Variants in ASCC3 observed in about 807,000 individuals in gnomAD.
ASCC3 encodes ASC-1 complex subunit P200.
ASCC3 carries 158 observed loss-of-function variants against 256.3 expected under a neutral mutation model. That is an observed-to-expected ratio of 0.62 (90% CI 0.54 to 0.70). The LOEUF (loss-of-function observed/expected upper bound fraction) is 0.70. Ranked by LOEUF, ASCC3 falls within the 30% of genes least tolerant of loss-of-function variation. The pLI, the probability that ASCC3 is intolerant of heterozygous loss-of-function variation, is 0.00. For synonymous variants in ASCC3, 948 were observed against 883.4 expected (o/e 1.07, Z -1.30); for missense variants, 2,259 against 2,626.0 (o/e 0.86, Z 3.05).
intron 4 of ASCC3, among the ~76,000 whole-genome samples, chr6:100,836,710 C>T (rs1286043054): frequency 1.3e-5 from 2 of 151,950 alleles, no homozygotes; most frequent in Admixed American, 6.6e-5. Flanking sequence ...TTTCTTTTCT[C>T]GTTGTGTCCT....
chr6:100,559,834 A>G (rs564483957), intron 36 of ASCC3, among the ~76,000 whole-genome samples: 1 of 146,936 alleles, frequency 6.8e-6, no homozygotes, highest in South Asian at 2.3e-4. Flanking sequence ...TGGGTCACAG[A>G]GCTAGACTCC....
chr6:100,843,973 A>C (rs1227178154), intron 4 of ASCC3, among the ~76,000 whole-genome samples: 2 of 151,690 alleles, frequency 1.3e-5, no homozygotes, highest in African/African-American at 4.8e-5. Context: ...TATCTCACAA[A>C]TCCTCACAGC....
chr6:100,771,361 G>A (rs1781910358), intron 8 of ASCC3, among the ~76,000 whole-genome samples: 2 of 152,086 alleles, frequency 1.3e-5, no homozygotes, highest in South Asian at 4.1e-4. Flanking sequence ...TTGTGAATGT[G>A]AGTTATGCCA....
intron 34 of ASCC3, among the ~76,000 whole-genome samples, chr6:100,591,990 G>A (rs1201446394): frequency 6.6e-6 from 1 of 151,242 alleles, no homozygotes; most frequent in Non-Finnish European, 1.5e-5. Flanking sequence ...TTTGTTTACT[G>A]TATTTACAAG....
At chr6:100,746,316 TAA>T (rs1392491086) in intron 10 of ASCC3, among the ~76,000 whole-genome samples, 1 of 151,970 alleles carries the variant, frequency 6.6e-6, no homozygotes, top group Non-Finnish European at 1.5e-5. Context: ...TAGAACAAGT[TAA>T]ATAGTATATG....
intron 14 of ASCC3, among the ~76,000 whole-genome samples, chr6:100,677,706 A>G (rs962904548): frequency 2.0e-5 from 3 of 152,090 alleles, no homozygotes; most frequent in Non-Finnish European, 1.5e-5. Flanking sequence ...CTGGGAATAT[A>G]AGGGTGAGTA....
At chr6:100,652,000 TA>T (rs901444375) in intron 18 of ASCC3, among the ~76,000 whole-genome samples, 4 of 152,074 alleles carry the variant, frequency 2.6e-5, no homozygotes, top group African/African-American at 9.7e-5. Context: ...TCACGAATTC[TA>T]AGCTGATCAT....
chr6:100,604,321 G>A (rs942444847), intron 33 of ASCC3, among the ~76,000 whole-genome samples: 1 of 151,604 alleles, frequency 6.6e-6, no homozygotes, highest in African/African-American at 2.4e-5. Flanking sequence ...CCAACTTTTG[G>A]TGTTGTTGAT....
At chr6:100,758,105 A>G (rs1293886423) in intron 10 of ASCC3, among the ~76,000 whole-genome samples, 1 of 152,122 alleles carries the variant, frequency 6.6e-6, no homozygotes, top group Non-Finnish European at 1.5e-5. Context: ...TAATACTCAA[A>G]AAGTCCAGGA....
chr6:100,805,665 A>G (rs1770143581), intron 5 of ASCC3, 95 bp downstream of exon 5: 2 of 1,426,896 alleles, frequency 1.4e-6, no homozygotes, highest in Admixed American at 1.9e-5. Context: ...TATATAACAG[A>G]CCAAAACATA....
At position 100,848,500 on chromosome 6, in the gene ASCC3, A is replaced by G. The variant is rs747546107; in HGVS notation, c.449T>C (p.Val150Ala). The G allele has an allele frequency of 3.7e-6, 6 of 1,614,018 alleles. No individual in the cohort carries two copies. In the East Asian group the frequency reaches 1.1e-4, roughly 30 times the overall value. Residue 150 changes from valine to alanine, a missense_variant, in exon 4 of 42, where the codon GTG (valine) becomes GCG (alanine). Coordinates refer to ENST00000369162, the MANE Select transcript of ASCC3 (RefSeq NM_006828.4). Reference sequence around the variant, plus strand: ...GCCATGTTCTTTTTCTGTCATCTGCACAAGAGCAGTAAGATCATCTTGACT... The same window carrying G: ...GCCATGTTCTTTTTCTGTCATCTGCGCAAGAGCAGTAAGATCATCTTGACT... ...HFSQDDLTAL[V>A]QMTEKEHGDR...
At position 100,821,919 on chromosome 6, in the gene ASCC3, C is replaced by T. The variant is rs1385984162; in HGVS notation, c.802-16039G>A. ...AAGTAAAAAAAACAGTCAAGAAAGA[C>T]CATATTAGATGATTCCATTTGTACA... On this transcript the variant is annotated intron_variant, in intron 4 of 41. Coordinates refer to ENST00000369162, the MANE Select transcript of ASCC3 (RefSeq NM_006828.4). 2.6e-5 allele frequency among the ~76,000 whole-genome samples: 4 copies of T among 152,028 alleles called. No individual in the cohort carries two copies. The East Asian group carries it at 5.8e-4, about 22-fold the overall frequency.
At chr6:100,728,504 CAACAGA>C (rs1042229386) in intron 10 of ASCC3, among the ~76,000 whole-genome samples, 2 of 151,810 alleles carry the variant, frequency 1.3e-5, no homozygotes, top group Non-Finnish European at 2.9e-5. Flanking sequence ...ACTATATACC[CAACAGA>C]AACACACATA....
At position 100,625,215 on chromosome 6, in the gene ASCC3, A is replaced by C; in HGVS notation, c.4762T>G (p.Trp1588Gly). Residue 1588 changes from tryptophan (W) to glycine (G), a missense_variant, in exon 30 of 42, where the codon TGG becomes GGG. Trp to Gly is a radical substitution (Grantham distance 184, BLOSUM62 -2). Around this residue, in one of 2 missense-constraint regions of ASCC3, gnomAD observed 1,839 missense variants for 2,206.7 expected, o/e 0.83. Transcript: ENST00000369162. The part of the protein sequence containing the change: ...FLATEEDPKQ[W>G]LNMDEREMEN... ...ACCTCTCTTTCATCCATGTTTAACC[A>C]CTGCTTTGGATCTTCTTCAGTAGCC... 6.2e-7 allele frequency: 1 copy of C among 1,612,818 alleles called. No homozygotes were observed.
At chr6:100,756,145 G>A (rs894075854) in intron 10 of ASCC3, among the ~76,000 whole-genome samples, 9 of 151,582 alleles carry the variant, frequency 5.9e-5, no homozygotes, top group African/African-American at 1.9e-4. Flanking sequence ...AAATTGGTTT[G>A]AGTGAATGTT....
chr6:100,755,885 G>A (rs1020940628), intron 10 of ASCC3, among the ~76,000 whole-genome samples: 3 of 151,910 alleles, frequency 2.0e-5, no homozygotes, highest in African/African-American at 4.8e-5. Flanking sequence ...AATTTACTTT[G>A]AAAAGAACTT....
intron 30 of ASCC3, among the ~76,000 whole-genome samples, chr6:100,621,092 T>G (rs780521760): frequency 6.6e-6 from 1 of 152,096 alleles, no homozygotes; most frequent in African/African-American, 2.4e-5. Flanking sequence ...CAAATGCCCA[T>G]CAGTGATAGA....
chr6:100,592,382 T>C (rs1215341144), intron 34 of ASCC3, among the ~76,000 whole-genome samples: 2 of 152,010 alleles, frequency 1.3e-5, no homozygotes, highest in Non-Finnish European at 2.9e-5. Flanking sequence ...TAAATTGAAC[T>C]TCACTGATCT....
intron 4 of ASCC3, among the ~76,000 whole-genome samples, chr6:100,827,448 A>T (rs1161228527): frequency 6.6e-6 from 1 of 152,108 alleles, no homozygotes; most frequent in African/African-American, 2.4e-5. Context: ...GCCTTTTTAG[A>T]TTGGCTTCTT....
Sources: gnomAD v4.1 joint callset for allele counts (sites outside exome capture counted in the v4.1 genomes callset) on GRCh38, gnomAD v4.1.1 for gene constraint, gnomAD v4.1.1 regional missense constraint, MANE v1.5 for transcripts, NCBI Gene and HGNC (gene_info 2026-07-23, HGNC 2026-07-21) for gene names.